The following LRMDA variants were observed in gnomAD, a reference collection of about 807,000 sequenced individuals.
LRMDA encodes leucine rich melanocyte differentiation associated, also known as leucine-rich melanocyte differentiation-associated protein.
A neutral mutation model predicts 29.8 loss-of-function variants in LRMDA; 18 were observed. The observed-to-expected ratio is 0.60, with a 90% CI of 0.42 to 0.90. LRMDA has a LOEUF of 0.90. Among genes scored for constraint, LRMDA ranks in the 40% least tolerant of loss-of-function variants. The pLI, the probability that LRMDA is intolerant of heterozygous loss-of-function variation, is 0.00. For synonymous variants in LRMDA, 125 were observed against 109.4 expected, an observed-to-expected ratio of 1.14 and a Z score of -0.89; for missense variants, 273 against 273.9, an observed-to-expected ratio of 1.00 and a Z score of 0.02.
chr10:75,743,555 C>T (rs894823855), intron 2 of LRMDA: 24 of 152,286 alleles, frequency 1.6e-4, no homozygotes, highest in African/African-American at 5.3e-4. Context: ...ATTTCAACCA[C>T]CTCTGGAGAC....
chr10:75,560,871 C>T (rs1840284538), intron 2 of LRMDA, among the ~76,000 whole-genome samples: 2 of 152,002 alleles, frequency 1.3e-5, no homozygotes, highest in South Asian at 2.1e-4. Context: ...GCCTTGCATC[C>T]CAGGGATGAA....
intron 2 of LRMDA, among the ~76,000 whole-genome samples, chr10:75,626,288 G>A (rs1841248899): frequency 6.6e-6 from 1 of 152,178 alleles, no homozygotes; most frequent in South Asian, 2.1e-4. Flanking sequence ...TGGAATGACA[G>A]CCCGACATCA....
intron 6 of LRMDA, among the ~76,000 whole-genome samples, chr10:76,386,446 A>G (rs1260634506): frequency 6.6e-6 from 1 of 152,210 alleles, no homozygotes; most frequent in Non-Finnish European, 1.5e-5. Context: ...CTAAAATGTG[A>G]TAATAGGGAC....
chr10:76,205,212 T>C (rs183763143), intron 5 of LRMDA, among the ~76,000 whole-genome samples: 21 of 152,214 alleles, frequency 1.4e-4, no homozygotes, highest in Middle Eastern at 3.4e-3. Flanking sequence ...AGGACAGAGG[T>C]TGTTGGACCC....
At chr10:75,819,761 A>G (rs1274740340) in intron 2 of LRMDA, among the ~76,000 whole-genome samples, 1 of 152,162 alleles carries the variant, frequency 6.6e-6, no homozygotes, top group African/African-American at 2.4e-5. Flanking sequence ...GTTTCTCCAC[A>G]TGGCTCCTAA....
At chr10:76,330,919 T>A (rs1840896816) in intron 6 of LRMDA, among the ~76,000 whole-genome samples, 1 of 152,222 alleles carries the variant, frequency 6.6e-6, no homozygotes, top group Non-Finnish European at 1.5e-5. Context: ...TTAGGCCAGC[T>A]TAATAGCTTA....
chr10:76,177,194 C>A (rs996276845), intron 5 of LRMDA, among the ~76,000 whole-genome samples: 3 of 152,190 alleles, frequency 2.0e-5, no homozygotes, highest in Non-Finnish European at 4.4e-5. Context: ...AATTTCTCTA[C>A]CTGCCAAGTA....
intron 6 of LRMDA, among the ~76,000 whole-genome samples, chr10:76,456,539 C>T (rs1842458458): frequency 6.6e-6 from 1 of 151,442 alleles, no homozygotes; most frequent in South Asian, 2.1e-4. Context: ...AGAAAAGAGT[C>T]TTGTTTTGAA....
chr10:76,540,249 C>T (rs1179641455), intron 6 of LRMDA, among the ~76,000 whole-genome samples: 2 of 152,194 alleles, frequency 1.3e-5, no homozygotes, highest in Non-Finnish European at 2.9e-5. Flanking sequence ...GTAACTTTTC[C>T]ATCTCCCAAT....
intron 2 of LRMDA, chr10:75,647,398 T>G (rs1841536316): frequency 6.6e-6 from 1 of 152,454 alleles, no homozygotes; most frequent in African/African-American, 2.4e-5. Flanking sequence ...AACTCCATGC[T>G]TCTAATACCA....
At chr10:76,158,037 A>G (rs1033307450) in intron 5 of LRMDA, among the ~76,000 whole-genome samples, 1 of 152,140 alleles carries the variant, frequency 6.6e-6, no homozygotes, top group Admixed American at 6.5e-5. Flanking sequence ...ACCATCTTAT[A>G]TGTGGTCCAT....
intron 5 of LRMDA, among the ~76,000 whole-genome samples, chr10:76,301,443 C>T (rs763141967): frequency 2.0e-5 from 3 of 152,214 alleles, no homozygotes; most frequent in Non-Finnish European, 4.4e-5. Flanking sequence ...CGCAAGCTGG[C>T]TTGACCTATA....
chr10:76,324,317 C>G (rs577646772), intron 5 of LRMDA, 84 bp from the exon 6 acceptor site: 1 of 1,179,290 alleles, frequency 8.5e-7, no homozygotes, highest in East Asian at 2.3e-5. Context: ...AGCTCAGATC[C>G]CAAGGAGACA....
chr10:76,054,248 C>T (rs1398256448), intron 4 of LRMDA, among the ~76,000 whole-genome samples: 1 of 152,138 alleles, frequency 6.6e-6, no homozygotes, highest in Non-Finnish European at 1.5e-5. Context: ...GTGTCCCTCA[C>T]ACCTCTCCAA....
intron 2 of LRMDA, among the ~76,000 whole-genome samples, chr10:75,902,173 G>A (rs1461064215): frequency 6.6e-6 from 1 of 152,144 alleles, no homozygotes; most frequent in Non-Finnish European, 1.5e-5. Context: ...GCTGCTCTTT[G>A]GCTACCCCTT....
At chr10:75,446,497 C>T (rs1029310899) in intron 2 of LRMDA, among the ~76,000 whole-genome samples, 16 of 152,162 alleles carry the variant, frequency 1.1e-4, no homozygotes, top group Admixed American at 3.3e-4. Flanking sequence ...CATATCTCAG[C>T]GTTCTTTGGT....
intron 2 of LRMDA, among the ~76,000 whole-genome samples, chr10:75,677,132 G>A (rs116679002): frequency 0.015 from 2,335 of 152,278 alleles, 64 homozygotes; most frequent in African/African-American, 0.053. Context: ...TTATTTCCAT[G>A]GGAATAGGGC....
intron 2 of LRMDA, among the ~76,000 whole-genome samples, chr10:75,995,171 G>C (rs1564625654): frequency 2.0e-5 from 3 of 152,194 alleles, no homozygotes; most frequent in South Asian, 4.1e-4. Flanking sequence ...CCTGTGAGCA[G>C]TTCCCAAGCA....
At chr10:75,693,501 G>A (rs1000107141) in intron 2 of LRMDA, among the ~76,000 whole-genome samples, 4 of 152,162 alleles carry the variant, frequency 2.6e-5, no homozygotes, top group Non-Finnish European at 5.9e-5. Context: ...AAAGTACCCT[G>A]TTATCCTTTA....
Sources: allele counts gnomAD v4.1 joint callset (sites outside exome capture counted in the v4.1 genomes callset), GRCh38; gene constraint gnomAD v4.1.1; transcripts MANE v1.5; gene names NCBI Gene and HGNC (gene_info 2026-07-23, HGNC 2026-07-21).